NKD1: variants seen among roughly 807,000 people sequenced by gnomAD.
NKD1 encodes the protein NKD inhibitor of Wnt signaling pathway 1, also known as protein naked cuticle homolog 1.
A neutral mutation model predicts 56.0 loss-of-function variants in NKD1; 21 were observed. The ratio of observed to expected loss-of-function variants is 0.38; its 90% CI spans 0.27 to 0.54. NKD1 has a LOEUF of 0.54. Among genes scored for constraint, NKD1 ranks in the 20% least tolerant of loss-of-function variants. NKD1 has a pLI of 0.82. For synonymous variants in NKD1, 263 were observed against 265.7 expected, an observed-to-expected ratio of 0.99 and a Z score of 0.10; for missense variants, 578 against 642.7, an observed-to-expected ratio of 0.90 and a Z score of 1.09.
chr16:50,549,363 G>A (rs1960321786), intron 2 of NKD1, 59 bp from the exon 3 acceptor site: 2 of 1,579,386 alleles, frequency 1.3e-6, no homozygotes, highest in African/African-American at 2.7e-5. Context: ...TTCCCTCCGC[G>A]GGGGTAACTT....
At chr16:50,576,954 G>T (rs183308830) in intron 3 of NKD1, among the ~76,000 whole-genome samples, 1 of 152,304 alleles carries the variant, frequency 6.6e-6, no homozygotes, top group African/African-American at 2.4e-5. Context: ...CTGTGAGACT[G>T]CACTGATGGA....
chr16:50,616,970 A>T (rs1465152757), intron 4 of NKD1, among the ~76,000 whole-genome samples: 1 of 152,164 alleles, frequency 6.6e-6, no homozygotes, highest in Non-Finnish European at 1.5e-5. Context: ...CAAGGGGAAG[A>T]GCCCCGAGGA....
At position 50,634,349 on chromosome 16, in the gene NKD1, G is replaced by A. The variant is rs1329499257; in HGVS notation, c.*568G>A. Reference sequence around the variant, plus strand: ...CCTAGAAACCTTAGCTGTCTTTTCTGGAGTTGTCTTTCATGCTTTTCCAGT... The same window carrying A: ...CCTAGAAACCTTAGCTGTCTTTTCTAGAGTTGTCTTTCATGCTTTTCCAGT... On this transcript the variant is annotated 3_prime_UTR_variant, in exon 10 of 10. Coordinates refer to ENST00000268459, the MANE Select transcript of NKD1 (RefSeq NM_033119.5). 6.5e-6 allele frequency: 1 copy of A among 152,714 alleles called. No individual in the cohort carries two copies. Among genetic ancestry groups the A allele is most frequent in the Non-Finnish European group, 1.5e-5 (1 of 68,056 alleles). 9.5% of individuals were successfully genotyped at this position (152,714 alleles called of 1,614,324 possible).
At position 50,632,618 on chromosome 16, in the gene NKD1, T is replaced by C. The variant is rs1962371693; in HGVS notation, c.823+210T>C. On this transcript the variant is annotated intron_variant, in intron 9 of 9. Coordinates refer to ENST00000268459, the MANE Select transcript of NKD1 (RefSeq NM_033119.5). This position sits in a 1 kb window ranked among gnomAD's most constrained non-coding sequence, Gnocchi z 4.1. ...CACGAAATCGAACAAAATCCAATAG[T>C]ATCTAAAGGCTTAGCACCCAATGAC... Among the ~76,000 whole-genome samples, 1 of 152,170 alleles carries C rather than the reference T, an allele frequency of 6.6e-6. No individual in the cohort carries two copies. The highest frequency in any genetic ancestry group is 1.5e-5 in the Non-Finnish European group (1 of 68,024).
intron 2 of NKD1, 98 bp downstream of exon 2, chr16:50,548,847 C>A (rs1960300692): frequency 4.0e-6 from 5 of 1,250,532 alleles, no homozygotes; most frequent in Non-Finnish European, 4.1e-6. Flanking sequence ...ACCAGGGCCA[C>A]CCCGAAGCCC....
Position 50,623,716 on chromosome 16 carries a change from A to T in NKD1, c.367-1769A>T, listed in dbSNP as rs926127278. 6.8e-6 allele frequency among the ~76,000 whole-genome samples: 1 copy of T among 147,518 alleles called. No individual in the cohort carries two copies. Among genetic ancestry groups the T allele is most frequent in the Non-Finnish European group, 1.5e-5 (1 of 67,202 alleles). On this transcript the variant is annotated intron_variant, in intron 5 of 9. Coordinates refer to ENST00000268459, the MANE Select transcript of NKD1 (RefSeq NM_033119.5). This position sits in a 1 kb window ranked among gnomAD's most constrained non-coding sequence, Gnocchi z 4.1. ...CTCAGACCCAAGCTGTCTTGGAAACAGGTAAGTGCTGTGTGTGTGTGTGTG... is the reference window on the plus strand; with the variant it reads ...CTCAGACCCAAGCTGTCTTGGAAACTGGTAAGTGCTGTGTGTGTGTGTGTG...
chr16:50,624,401 T>G (rs1033353441), intron 5 of NKD1, among the ~76,000 whole-genome samples: 2 of 152,214 alleles, frequency 1.3e-5, no homozygotes, highest in Non-Finnish European at 2.9e-5. Flanking sequence ...AAATGATTGT[T>G]TCATTGATTA....
At chr16:50,574,787 TA>T in intron 3 of NKD1, 1 of 985,304 alleles carries the variant, frequency 1.0e-6, no homozygotes, top group Non-Finnish European at 1.2e-6. Context: ...CCTGTAAAAA[TA>T]AAAAGTTAAA....
At chr16:50,622,440 C>T (rs935082028) in intron 5 of NKD1, among the ~76,000 whole-genome samples, 1 of 152,100 alleles carries the variant, frequency 6.6e-6, no homozygotes, top group African/African-American at 2.4e-5. Context: ...GAGCCAGGCC[C>T]AGGCCTGCTG....
chr16:50,616,305 G>C (rs1457403898), intron 4 of NKD1, among the ~76,000 whole-genome samples: 3 of 152,134 alleles, frequency 2.0e-5, no homozygotes, highest in Non-Finnish European at 4.4e-5. Context: ...GTCTTTAGTG[G>C]GGCTGATTTA....
intron 3 of NKD1, among the ~76,000 whole-genome samples, chr16:50,581,100 A>G (rs995934847): frequency 3.3e-5 from 5 of 152,248 alleles, no homozygotes; most frequent in African/African-American, 1.2e-4. Flanking sequence ...ACTTATTTAA[A>G]TAACTTAGCT....
In NKD1 at chr16:50,648,987, AT is replaced by A. The variant is rs1490341822; in HGVS notation, c.*15208del. The A allele has an allele frequency of 6.6e-6, 1 of 152,214 alleles. No homozygotes were observed. Among genetic ancestry groups the A allele is most frequent in the East Asian group, 1.9e-4 (1 of 5,198 alleles). 9.4% of individuals were successfully genotyped at this position (152,214 alleles called of 1,614,324 possible). A position where few individuals can be genotyped will look rare whatever the true frequency, so the allele number is the denominator to read the frequency against. On this transcript the variant is annotated 3_prime_UTR_variant, in exon 10 of 10. Coordinates refer to ENST00000268459, the MANE Select transcript of NKD1 (RefSeq NM_033119.5). ...AGGCTTGGACACCTACATTTAGACT[AT>A]TATATGAGGAAGCAATCAACTTCTC...
chr16:50,609,517 G>T (rs577884359), intron 4 of NKD1, among the ~76,000 whole-genome samples: 2 of 152,276 alleles, frequency 1.3e-5, no homozygotes, highest in South Asian at 2.1e-4. Context: ...GCCCTGCAGG[G>T]GTCTGAAGGG....
chr16:50,583,051 T>A (rs1961151968), intron 3 of NKD1, among the ~76,000 whole-genome samples: 1 of 152,196 alleles, frequency 6.6e-6, no homozygotes, highest in Non-Finnish European at 1.5e-5. Context: ...TGTGTGCTGC[T>A]ACCGACTTGG....
rs1355726198 is a variant in NKD1 at position 50,634,342 on chromosome 16, CT to C, written c.*565del. ...GTCCCAACCTAGAAACCTTAGCTGT[CT>C]TTTCTGGAGTTGTCTTTCATGCTTT... On this transcript the variant is annotated 3_prime_UTR_variant, in exon 10 of 10. Coordinates refer to ENST00000268459, the MANE Select transcript of NKD1 (RefSeq NM_033119.5). 1 of 152,768 alleles carries C rather than the reference CT, an allele frequency of 6.5e-6. No individual in the cohort carries two copies. Among genetic ancestry groups the C allele is most frequent in the Non-Finnish European group, 1.5e-5 (1 of 68,062 alleles). The allele number at this position is 152,768 out of a possible 1,614,324, so 9.5% of individuals were successfully genotyped here. A position where few individuals can be genotyped will look rare whatever the true frequency, so the allele number is the denominator to read the frequency against.
intron 4 of NKD1, among the ~76,000 whole-genome samples, chr16:50,609,559 T>A (rs1410647825): frequency 6.6e-6 from 1 of 152,024 alleles, no homozygotes; most frequent in Non-Finnish European, 1.5e-5. Context: ...TTCTGGGAAG[T>A]TCTCAAGGGG....
intron 3 of NKD1, among the ~76,000 whole-genome samples, chr16:50,564,164 G>T (rs1466521496): frequency 6.6e-6 from 1 of 152,268 alleles, no homozygotes; most frequent in African/African-American, 2.4e-5. Context: ...GGCTTGGTTA[G>T]CCCTGGCTGG....
Position 50,562,977 on chromosome 16 carries a change from CCCA to C in NKD1, c.192+13431_192+13433del, listed in dbSNP as rs1225479130. Among the ~76,000 whole-genome samples the C allele has an allele frequency of 2.0e-3, 253 of 123,456 alleles. 16 individuals carry two copies. Among genetic ancestry groups the C allele is most frequent in the African/African-American group, 8.6e-3 (238 of 27,546 alleles). 81.0% of individuals were successfully genotyped at this position (123,456 alleles called of 152,430 possible). ...GCCTCTCTTGAAAGGGCTGCTAGGT[CCCA>C]CCACCACCCCCCCCCCCCGCCGTAG... is the stretch of plus-strand genomic sequence containing the variant. On this transcript the variant is annotated intron_variant, in intron 3 of 9. Transcript: ENST00000268459.
rs373363656 is a variant in NKD1 at position 50,630,169 on chromosome 16, G to A, written c.463-17G>A. 1.6e-5 allele frequency: 25 copies of A among 1,612,532 alleles called. No homozygotes were observed. Among genetic ancestry groups the A allele is most frequent in the African/African-American group, 1.5e-4 (11 of 74,862 alleles). On this transcript the variant is annotated splice_polypyrimidine_tract_variant and intron_variant, in intron 6 of 9. Transcript: ENST00000268459. ...TGACTGAAACCCTGCATGGGTCTCC[G>A]CTTCCCTCCCATTCAGGACATCACC... is the stretch of plus-strand genomic sequence containing the variant.
Sources: gnomAD v4.1 joint callset for allele counts (sites outside exome capture counted in the v4.1 genomes callset) on GRCh38, gnomAD v4.1.1 for gene constraint, Gnocchi (gnomAD v3.1) non-coding constraint, MANE v1.5 for transcripts, NCBI Gene and HGNC (gene_info 2026-07-23, HGNC 2026-07-21) for gene names.